Variants in PRDM16 observed in about 807,000 individuals in gnomAD.
The protein encoded by PRDM16 is PR/SET domain 16.
In PRDM16, 23 loss-of-function variants were observed where a neutral mutation model predicts 110.6. The observed-to-expected ratio is 0.21, with a 90% CI of 0.15 to 0.29. The LOEUF (loss-of-function observed/expected upper bound fraction) is 0.29. Ranked by LOEUF, PRDM16 falls within the 10% of genes least tolerant of loss-of-function variation. PRDM16 has a pLI of 1.00. For missense variants in PRDM16, 1,615 were observed against 1,794.3 expected, an observed-to-expected ratio of 0.90 and a Z score of 1.81; for synonymous variants, 799 against 781.8, an observed-to-expected ratio of 1.02 and a Z score of -0.37.
At chr1:3,258,676 A>G (rs1352916410) in intron 3 of PRDM16, among the ~76,000 whole-genome samples, 1 of 152,256 alleles carries the variant, frequency 6.6e-6, no homozygotes, top group Non-Finnish European at 1.5e-5. Flanking sequence ...AAATTATCAC[A>G]TAAAAAGAGT....
chr1:3,376,535 C>T (rs1281976323), intron 3 of PRDM16, among the ~76,000 whole-genome samples: 5 of 152,166 alleles, frequency 3.3e-5, no homozygotes, highest in African/African-American at 1.2e-4. Flanking sequence ...CCAGTGAGAC[C>T]ACAGTCAGGC....
At chr1:3,218,001 C>T (rs553095386) in intron 2 of PRDM16, among the ~76,000 whole-genome samples, 67 of 152,330 alleles carry the variant, frequency 4.4e-4, no homozygotes, top group African/African-American at 1.4e-3. Flanking sequence ...AGGAGGACAC[C>T]GGAGCAATAA....
chr1:3,248,930 C>G (rs1639859919), intron 3 of PRDM16, among the ~76,000 whole-genome samples: 1 of 152,196 alleles, frequency 6.6e-6, no homozygotes, highest in Non-Finnish European at 1.5e-5. Flanking sequence ...AGGATGGCTG[C>G]TGAGCCCAGG....
At position 3,411,619 on chromosome 1, in the gene PRDM16, C is replaced by G. The variant is rs1267873923; in HGVS notation, c.1422C>G (p.Pro474=). The part of the protein sequence containing the change: ...TPSPMMDKAK[P]SPSLNHASLG... ...GCCCCATGATGGACAAGGCAAAACC[C>G]TCCCCCAGCCTCAATCACGCCAGCC... The change falls in exon 9 of 17, where the codon CCC becomes CCG. Residue 474 remains proline (P), a synonymous_variant. Transcript: ENST00000270722. 10 of 1,613,870 alleles carry G rather than the reference C, an allele frequency of 6.2e-6. No individual in the cohort carries two copies. Among genetic ancestry groups the G allele is most frequent in the Non-Finnish European group, 7.6e-6 (9 of 1,179,976 alleles).
At chr1:3,104,074 A>T (rs901861872) in intron 1 of PRDM16, among the ~76,000 whole-genome samples, 1 of 152,226 alleles carries the variant, frequency 6.6e-6, no homozygotes, top group African/African-American at 2.4e-5. Flanking sequence ...GGGTAAAGGC[A>T]TGTTGATAAC....
intron 12 of PRDM16, among the ~76,000 whole-genome samples, chr1:3,422,569 C>T (rs952741199): frequency 3.3e-5 from 5 of 152,192 alleles, no homozygotes; most frequent in East Asian, 1.9e-4. Context: ...AAAAGCATGG[C>T]GGTCCCAGGG....
intron 3 of PRDM16, among the ~76,000 whole-genome samples, chr1:3,276,793 G>A (rs2100309175): frequency 6.9e-6 from 1 of 144,396 alleles, no homozygotes; most frequent in African/African-American, 2.8e-5. Context: ...TCACCCCTTT[G>A]CCCCGTCTGA....
At chr1:3,314,545 A>C (rs1047104659) in intron 3 of PRDM16, among the ~76,000 whole-genome samples, 2 of 151,768 alleles carry the variant, frequency 1.3e-5, no homozygotes, top group Non-Finnish European at 2.9e-5. Flanking sequence ...AGCAAACTTC[A>C]TCTGCCAAAT....
chr1:3,181,440 AGTCTTACACG>A (rs1342163053), intron 1 of PRDM16, among the ~76,000 whole-genome samples: 448 of 25,226 alleles, frequency 0.018, 99 homozygotes, highest in African/African-American at 0.022. Flanking sequence ...TTACACAAGC[AGTCTTACACG>A]GTCTTACACA....
chr1:3,349,841 C>T (rs1557625769), intron 3 of PRDM16, among the ~76,000 whole-genome samples: 3 of 152,234 alleles, frequency 2.0e-5, no homozygotes, highest in Admixed American at 6.5e-5. Flanking sequence ...AGCCTCCAGC[C>T]CTCAGCCTCC....
At chr1:3,426,349 G>GGGGCCTC in intron 14 of PRDM16, 124 bp downstream of exon 14, 1 of 731,070 alleles carries the variant, frequency 1.4e-6, no homozygotes, top group Non-Finnish European at 2.2e-6. Context: ...AGGCGCAGTG[G>GGGGCCTC]GGGCCTCACC....
rs1172802603 is a variant in PRDM16, at chr1:3,276,709, G to GAGCCAGCGAGGGGTGCCGTGAACAA, written c.438+32589_438+32590insGTGAACAAAGCCAGCGAGGGGTGCC. ...GAGCCAGCGAGGGGTGCCGTGAACA[G>GAGCCAGCGAGGGGTGCCGTGAACAA]AGCCAGCGAGGGGTGCCTGTTTCCT... On this transcript the variant is annotated intron_variant, in intron 3 of 16. Coordinates refer to ENST00000270722, the MANE Select transcript of PRDM16 (RefSeq NM_022114.4). 1.6e-4 allele frequency among the ~76,000 whole-genome samples: 25 copies of GAGCCAGCGAGGGGTGCCGTGAACAA among 151,918 alleles called. 1 individual carries two copies. The highest frequency in any genetic ancestry group is 4.6e-4 in the African/African-American group (19 of 41,178).
In PRDM16 at chr1:3,076,682, G is replaced by A. The variant is rs146560700; in HGVS notation, c.37+7386G>A. Among the ~76,000 whole-genome samples the A allele has an allele frequency of 1.9e-4, 29 of 152,340 alleles. 2 individuals carry two copies. Among genetic ancestry groups the A allele is most frequent in the African/African-American group, 7.0e-4 (29 of 41,580 alleles). ...GCTTAGCTGGAGGCCAGGGGCCAGGGCTGCCTTTGCATGGGTGTGCGAGGA... is the reference window on the plus strand; with the variant it reads ...GCTTAGCTGGAGGCCAGGGGCCAGGACTGCCTTTGCATGGGTGTGCGAGGA... On this transcript the variant is annotated intron_variant, in intron 1 of 16. Coordinates refer to ENST00000270722, the MANE Select transcript of PRDM16 (RefSeq NM_022114.4).
Position 3,100,700 on chromosome 1 carries a change from G to T in PRDM16, c.37+31404G>T, listed in dbSNP as rs12034059. On this transcript the variant is annotated intron_variant, in intron 1 of 16. Transcript: ENST00000270722. ...GGAGCTTTCCCCGAGTGAGGTTCCC[G>T]TGAGGAAGATAGATACACCCACACA... Among the ~76,000 whole-genome samples, 121 of 148,962 alleles carry T rather than the reference G, an allele frequency of 8.1e-4. 1 individual carries two copies. The East Asian group carries it at 0.019, about 23-fold the overall frequency.
At position 3,396,543 on chromosome 1, in the gene PRDM16, A is replaced by C; in HGVS notation, c.626A>C (p.His209Pro). The change falls in exon 5 of 17, where the codon CAC (histidine) becomes CCC (proline). Residue 209 changes from histidine (H) to proline (P), a missense_variant. By Grantham distance (77) the His-to-Pro change is moderately conservative. This residue lies in a region of PRDM16 where 416 missense variants were observed against 467.1 expected (regional missense o/e 0.89). Transcript: ENST00000270722. ...GAGCCAGGTGAGGAGCTGCTGGTGC[A>C]CGTGAAGGAAGGCGTCTACCCCCTG... ...DIEPGEELLVHVKEGVYPLGT... is the reference protein window; with the variant it reads ...DIEPGEELLVPVKEGVYPLGT... The C allele has an allele frequency of 6.2e-7, 1 of 1,607,698 alleles. No homozygotes were observed. The highest frequency in any genetic ancestry group is 1.7e-5 in the Admixed American group (1 of 59,416).
intron 2 of PRDM16, among the ~76,000 whole-genome samples, chr1:3,202,726 C>T (rs970640182): frequency 5.9e-5 from 9 of 152,266 alleles, no homozygotes; most frequent in African/African-American, 1.2e-4. Flanking sequence ...ATCACAGAGC[C>T]GGGGCCCTGG....
intron 2 of PRDM16, among the ~76,000 whole-genome samples, chr1:3,211,591 T>C (rs955123874): frequency 6.6e-6 from 1 of 152,206 alleles, no homozygotes; most frequent in African/African-American, 2.4e-5. Context: ...GCTGGGACTT[T>C]TGTCTCAAGG....
At chr1:3,414,500 G>T in intron 9 of PRDM16, 60 bp from the exon 10 acceptor site, 2 of 1,336,412 alleles carry the variant, frequency 1.5e-6, no homozygotes, top group South Asian at 1.2e-5. Context: ...TCTGTGGAGC[G>T]GGTGGCTCGG....
chr1:3,375,770 C>T (rs1642980449), intron 3 of PRDM16, among the ~76,000 whole-genome samples: 1 of 152,228 alleles, frequency 6.6e-6, no homozygotes, highest in African/African-American at 2.4e-5. Flanking sequence ...CAGATGGAAA[C>T]TCCTCTTTGC....
Sources: allele counts gnomAD v4.1 joint callset (sites outside exome capture counted in the v4.1 genomes callset), GRCh38; gene constraint gnomAD v4.1.1; regional missense constraint gnomAD v4.1.1; transcripts MANE v1.5; gene names NCBI Gene and HGNC (gene_info 2026-07-23, HGNC 2026-07-21).